The following KIAA0232 variants were observed in gnomAD, a reference collection of about 807,000 sequenced individuals.
KIAA0232 encodes KIAA0232.
In KIAA0232, 27 loss-of-function variants were observed where a neutral mutation model predicts 122.0. The observed-to-expected ratio is 0.22, with a 90% CI of 0.16 to 0.31. KIAA0232 has a LOEUF of 0.31. KIAA0232 is among the 10% of genes least tolerant of loss of function. The pLI is 1.00. For missense variants in KIAA0232, 1,551 were observed against 1,634.2 expected (o/e 0.95, Z 0.88); for synonymous variants, 613 against 587.6 (o/e 1.04, Z -0.63).
At chr4:6,858,377 A>T (rs752808315) in intron 5 of KIAA0232, 48 bp from the exon 6 acceptor site, 1 of 1,141,538 alleles carries the variant, frequency 8.8e-7, no homozygotes, top group Non-Finnish European at 1.3e-6. Flanking sequence ...ATTAGCATTT[A>T]TTAACTAGAT....
intron 7 of KIAA0232, chr4:6,866,223 A>C: frequency 1.0e-6 from 1 of 984,098 alleles, no homozygotes; most frequent in Non-Finnish European, 1.2e-6. Context: ...GAAAGAAGCA[A>C]GATTCTACAT....
At chr4:6,868,131 G>A (rs1189781467) in intron 7 of KIAA0232, among the ~76,000 whole-genome samples, 1 of 152,216 alleles carries the variant, frequency 6.6e-6, no homozygotes, top group African/African-American at 2.4e-5. Context: ...GGAGTATTCT[G>A]TGAGAATTTA....
In KIAA0232 at chr4:6,783,955, A is replaced by T. The variant is rs141087896; in HGVS notation, c.-354+1114A>T. Among the ~76,000 whole-genome samples the T allele has an allele frequency of 5.1e-3, 780 of 152,174 alleles. 3 individuals carry two copies. The highest frequency in any genetic ancestry group is 8.4e-3 in the Non-Finnish European group (568 of 67,996). On this transcript the variant is annotated intron_variant, in intron 1 of 9. Coordinates refer to ENST00000307659, the MANE Select transcript of KIAA0232 (RefSeq NM_014743.3). ...TTGGAATGCTTCGTCTTGCCCTAGA[A>T]TTCAGCTTGCGTCTTGTGGTGCGCA...
At position 6,800,043 on chromosome 4, in the gene KIAA0232, C is replaced by CTTTTTTTTTTTTTTTTTTT. The variant is rs752428517; in HGVS notation, c.-353-4466_-353-4448dup. Among the ~76,000 whole-genome samples, 126 of 60,044 alleles carry CTTTTTTTTTTTTTTTTTTT rather than the reference C, an allele frequency of 2.1e-3. 12 individuals are homozygous for CTTTTTTTTTTTTTTTTTTT. Among genetic ancestry groups the CTTTTTTTTTTTTTTTTTTT allele is most frequent in the Non-Finnish European group, 3.0e-3 (85 of 28,082 alleles). The allele number at this position is 60,044 out of a possible 152,430, so 39.4% of individuals were successfully genotyped here. On this transcript the variant is annotated intron_variant, in intron 1 of 9. Transcript: ENST00000307659. ...TTTCTTTTTCTTTCTTTCTTTCTTT[C>CTTTTTTTTTTTTTTTTTTT]TTTTTTTTTTTTTTTTTTTTTTTTT...
At chr4:6,793,190 G>A (rs570583942) in intron 1 of KIAA0232, among the ~76,000 whole-genome samples, 32 of 151,840 alleles carry the variant, frequency 2.1e-4, no homozygotes, top group African/African-American at 7.3e-4. Context: ...AGTTAATTAA[G>A]TAATTACCAT....
At chr4:6,846,929 A>C (rs1719997847) in intron 4 of KIAA0232, among the ~76,000 whole-genome samples, 1 of 152,160 alleles carries the variant, frequency 6.6e-6, no homozygotes, top group South Asian at 2.1e-4. Flanking sequence ...TTTCCCATCC[A>C]GTCCAAATGC....
intron 4 of KIAA0232, among the ~76,000 whole-genome samples, chr4:6,846,286 C>G (rs1170513042): frequency 1.3e-5 from 2 of 152,124 alleles, no homozygotes; most frequent in Non-Finnish European, 2.9e-5. Flanking sequence ...GTGCATCAAT[C>G]TATAGATCCC....
Position 6,863,071 on chromosome 4 carries a change from G to A in KIAA0232, c.2689G>A (p.Ala897Thr). The A allele has an allele frequency of 2.5e-6, 4 of 1,614,232 alleles. No homozygotes were observed. The highest frequency in any genetic ancestry group is 3.4e-6 in the Non-Finnish European group (4 of 1,180,030). Reference protein sequence around the residue: ...EGQKESLEKRAFASSELSNVD... With the variant: ...EGQKESLEKRTFASSELSNVD... ...ACAGAAAGAGAGCCTGGAGAAAAGA[G>A]CATTTGCTTCTAGTGAGCTATCAAA... Residue 897 changes from alanine (A) to threonine (T), a missense_variant, in exon 7 of 10, where the codon GCA becomes ACA. By Grantham distance (58) the Ala-to-Thr change is moderately conservative. This residue lies in a region of KIAA0232 where 1,108 missense variants were observed against 1,154.8 expected (regional missense o/e 0.96). Coordinates refer to ENST00000307659, the MANE Select transcript of KIAA0232 (RefSeq NM_014743.3).
intron 2 of KIAA0232, 28 bp from the exon 3 acceptor site, chr4:6,824,157 T>C: frequency 2.0e-6 from 1 of 495,632 alleles, no homozygotes; most frequent in Admixed American, 3.5e-5. Context: ...ATATAATGCA[T>C]ACTTTTTTTC....
At chr4:6,839,310 G>A (rs574045030) in intron 3 of KIAA0232, among the ~76,000 whole-genome samples, 1 of 152,248 alleles carries the variant, frequency 6.6e-6, no homozygotes, top group South Asian at 2.1e-4. Context: ...TACATATAAG[G>A]AATATGAAAA....
intron 2 of KIAA0232, among the ~76,000 whole-genome samples, chr4:6,810,059 T>C (rs1181221793): frequency 6.6e-6 from 1 of 152,148 alleles, no homozygotes; most frequent in Non-Finnish European, 1.5e-5. Context: ...TGTCATGTTT[T>C]ACAGAATTAG....
At chr4:6,831,318 C>T (rs565744180) in intron 3 of KIAA0232, among the ~76,000 whole-genome samples, 33 of 152,182 alleles carry the variant, frequency 2.2e-4, no homozygotes, top group East Asian at 1.9e-3. Context: ...CCTCCCAAAG[C>T]GCTGGGATTA....
chr4:6,873,723 A>G (rs147833250), intron 8 of KIAA0232, among the ~76,000 whole-genome samples: 5 of 152,274 alleles, frequency 3.3e-5, no homozygotes, highest in Admixed American at 1.3e-4. Flanking sequence ...TTGTTTTTAC[A>G]GTGAAGTGGT....
intron 3 of KIAA0232, among the ~76,000 whole-genome samples, chr4:6,839,368 A>G (rs779440274): frequency 7.9e-5 from 12 of 152,240 alleles, no homozygotes; most frequent in Non-Finnish European, 7.3e-5. Flanking sequence ...ACAAATTCCT[A>G]TACTTCCCAA....
intron 6 of KIAA0232, among the ~76,000 whole-genome samples, chr4:6,859,121 A>C (rs1036471879): frequency 4.0e-5 from 6 of 150,750 alleles, no homozygotes; most frequent in Non-Finnish European, 5.9e-5. Context: ...AAAAAAAAAA[A>C]AACAAGAAAG....
intron 4 of KIAA0232, among the ~76,000 whole-genome samples, chr4:6,843,927 C>CTTTTTTTTTTTTTTTTTT (rs373793407): frequency 6.5e-5 from 3 of 46,316 alleles, no homozygotes; most frequent in African/African-American, 1.4e-4. Context: ...AGTTACCCAT[C>CTTTTTTTTTTTTTTTTTT]TTTTTTTTTT....
intron 8 of KIAA0232, among the ~76,000 whole-genome samples, chr4:6,873,594 C>T (rs758871144): frequency 6.6e-6 from 1 of 152,208 alleles, no homozygotes; most frequent in Non-Finnish European, 1.5e-5. Context: ...GCAACCTTAG[C>T]ACCCTTAGTC....
At position 6,850,893 on chromosome 4, in the gene KIAA0232, C is replaced by G. The variant is rs559872937; in HGVS notation, c.370-6271C>G. On this transcript the variant is annotated intron_variant, in intron 4 of 9. Transcript: ENST00000307659. Reference sequence around the variant, plus strand: ...CCATGTTGGCCAGGATGGTCTCGATCTCTTGACCTCGTGATCCGCCCACCT... The same window carrying G: ...CCATGTTGGCCAGGATGGTCTCGATGTCTTGACCTCGTGATCCGCCCACCT... Among the ~76,000 whole-genome samples the G allele has an allele frequency of 2.0e-5, 3 of 152,314 alleles. No individual in the cohort carries two copies. The East Asian group carries it at 5.8e-4, about 29-fold the overall frequency.
At chr4:6,787,274 A>G (rs10009273) in intron 1 of KIAA0232, among the ~76,000 whole-genome samples, 119,263 of 151,906 alleles carry the variant, frequency 0.79, 46,980 homozygotes, top group Middle Eastern at 0.89. Context: ...CTTTTTTAGA[A>G]ATTTATTATA....
Sources: allele counts gnomAD v4.1 joint callset (sites outside exome capture counted in the v4.1 genomes callset), GRCh38; gene constraint gnomAD v4.1.1; regional missense constraint gnomAD v4.1.1; transcripts MANE v1.5; gene names NCBI Gene and HGNC (gene_info 2026-07-23, HGNC 2026-07-21).